The following SH3KBP1 variants were observed in gnomAD, a reference collection of about 807,000 sequenced individuals.
SH3KBP1 encodes the protein SH3 domain containing kinase binding protein 1, also known as SH3 domain-containing kinase-binding protein 1.
Under a neutral mutation model 50.1 loss-of-function variants are expected in SH3KBP1, and 8 were observed. The observed-to-expected ratio is 0.16, with a 90% CI of 0.09 to 0.29. SH3KBP1 has a LOEUF of 0.29. SH3KBP1 is among the 10% of genes least tolerant of loss of function. SH3KBP1 has a pLI of 1.00. For synonymous variants in SH3KBP1, 227 were observed against 218.6 expected (o/e 1.04, Z -0.34); for missense variants, 377 against 535.2 (o/e 0.70, Z 2.92).
chrX:19,874,758 GAGA>G (rs1178797716), intron 1 of SH3KBP1, among the ~76,000 whole-genome samples: 3 of 101,396 alleles, frequency 3.0e-5, no homozygotes, highest in Non-Finnish European at 6.0e-5. Context: ...AAGAGGGAAA[GAGA>G]AGGTGTGGGG....
intron 6 of SH3KBP1, among the ~76,000 whole-genome samples, chrX:19,672,292 A>G (rs2062816631): frequency 8.9e-6 from 1 of 112,052 alleles, no homozygotes; most frequent in African/African-American, 3.2e-5. Flanking sequence ...ATTTCTTTAG[A>G]TACTCCTCCC....
chrX:19,619,570 G>C (rs1173287435), intron 8 of SH3KBP1, among the ~76,000 whole-genome samples: 2 of 111,613 alleles, frequency 1.8e-5, no homozygotes, highest in South Asian at 3.8e-4. Context: ...CAGATCACTT[G>C]AGCTCAGGAG....
intron 12 of SH3KBP1, among the ~76,000 whole-genome samples, chrX:19,582,041 G>A (rs1480944735): frequency 9.0e-6 from 1 of 110,843 alleles, no homozygotes; most frequent in African/African-American, 3.3e-5. Flanking sequence ...CCCACATCCT[G>A]GTGTCCATCA....
intron 6 of SH3KBP1, among the ~76,000 whole-genome samples, chrX:19,651,322 T>C (rs917900980): frequency 6.3e-5 from 7 of 111,173 alleles, no homozygotes; most frequent in Non-Finnish European, 1.1e-4. Flanking sequence ...TTGATATCAA[T>C]AGAAGATACA....
chrX:19,693,350 AAAG>A (rs1405395843), intron 5 of SH3KBP1, among the ~76,000 whole-genome samples: 1 of 112,173 alleles, frequency 8.9e-6, no homozygotes, highest in Non-Finnish European at 1.9e-5. Context: ...GGAAGGAGAG[AAAG>A]AAGGATGGAT....
intron 2 of SH3KBP1, among the ~76,000 whole-genome samples, chrX:19,754,555 C>A (rs958915539): frequency 1.8e-5 from 2 of 111,483 alleles, no homozygotes; most frequent in Non-Finnish European, 3.8e-5. Flanking sequence ...ATAACCTCTG[C>A]CTCTTGGGTT....
chrX:19,800,764 A>G (rs953826527), intron 2 of SH3KBP1, among the ~76,000 whole-genome samples: 4 of 111,931 alleles, frequency 3.6e-5, no homozygotes, highest in Admixed American at 1.9e-4. Context: ...ACATATTATT[A>G]CTCTCAAGCC....
intron 11 of SH3KBP1, among the ~76,000 whole-genome samples, chrX:19,589,831 C>A (rs770171164): frequency 8.2e-5 from 9 of 109,562 alleles, no homozygotes; most frequent in Non-Finnish European, 1.3e-4. Flanking sequence ...AAAAAAAAAC[C>A]CATCAGGGCT....
intron 2 of SH3KBP1, chrX:19,747,774 TGA>T: frequency 3.1e-6 from 1 of 327,608 alleles, no homozygotes; most frequent in Admixed American, 3.2e-5. Flanking sequence ...TTTGCTAGGT[TGA>T]GTGTTTCAAC....
Position 19,870,883 on chromosome X carries a change from C to T in SH3KBP1, c.4+16424G>A, listed in dbSNP as rs186790926. Among the ~76,000 whole-genome samples the T allele has an allele frequency of 8.9e-4, 99 of 111,572 alleles. 2 individuals are homozygous for T. The highest frequency in any genetic ancestry group is 5.1e-3 in the Admixed American group (54 of 10,525). On this transcript the variant is annotated intron_variant, in intron 1 of 17. Transcript: ENST00000397821. ...GTCACATCACCAAGCAACAACCTCA[C>T]GGCCGAAGCACACCGCCGTGTCTCC... is the stretch of plus-strand genomic sequence containing the variant.
chrX:19,593,145 T>C (rs1022143222), intron 10 of SH3KBP1, among the ~76,000 whole-genome samples: 2 of 112,091 alleles, frequency 1.8e-5, no homozygotes, highest in Admixed American at 1.9e-4. Flanking sequence ...TTGGTGCCAG[T>C]GGCCTCAGGC....
At chrX:19,687,966 C>T (rs757908138) in intron 5 of SH3KBP1, among the ~76,000 whole-genome samples, 1 of 111,965 alleles carries the variant, frequency 8.9e-6, no homozygotes, top group Non-Finnish European at 1.9e-5. Context: ...TACATTATGC[C>T]CAGTTTAAAC....
intron 2 of SH3KBP1, among the ~76,000 whole-genome samples, chrX:19,794,897 G>A (rs2066665538): frequency 9.1e-6 from 1 of 109,687 alleles, no homozygotes; most frequent in South Asian, 3.9e-4. Context: ...CATGACTCTG[G>A]GTGCCAAGAA....
intron 7 of SH3KBP1, among the ~76,000 whole-genome samples, chrX:19,637,628 C>A (rs758006617): frequency 9.0e-6 from 1 of 111,239 alleles, no homozygotes; most frequent in Admixed American, 9.5e-5. Flanking sequence ...GTTTCCCAAT[C>A]AATCATCCCT....
chrX:19,676,281 T>C (rs2062925867), intron 6 of SH3KBP1, among the ~76,000 whole-genome samples: 1 of 110,396 alleles, frequency 9.1e-6, no homozygotes, highest in African/African-American at 3.3e-5. Flanking sequence ...CATCACCTTA[T>C]TGACATGTTT....
intron 7 of SH3KBP1, among the ~76,000 whole-genome samples, chrX:19,644,790 A>T (rs1302381727): frequency 8.9e-6 from 1 of 112,147 alleles, no homozygotes; most frequent in African/African-American, 3.2e-5. Context: ...TTTTTTAAAC[A>T]TGGCTACTAG....
At chrX:19,554,017 A>G (rs1448412279) in intron 13 of SH3KBP1, among the ~76,000 whole-genome samples, 3 of 64,264 alleles carry the variant, frequency 4.7e-5, no homozygotes, top group Admixed American at 2.5e-4. Context: ...AATATATAAT[A>G]TATATTAAAA....
chrX:19,806,448 G>A (rs1385974519), intron 2 of SH3KBP1, among the ~76,000 whole-genome samples: 2 of 111,287 alleles, frequency 1.8e-5, no homozygotes, highest in African/African-American at 3.3e-5. Flanking sequence ...CCAGGGAAGC[G>A]GAGGTTGCAC....
At chrX:19,586,715 G>A (rs1234253646) in intron 12 of SH3KBP1, among the ~76,000 whole-genome samples, 1 of 111,732 alleles carries the variant, frequency 8.9e-6, no homozygotes, top group East Asian at 2.8e-4. Context: ...AATGACACAG[G>A]TGAACCAGCT....
Sources: allele counts gnomAD v4.1 joint callset (sites outside exome capture counted in the v4.1 genomes callset), GRCh38; gene constraint gnomAD v4.1.1; transcripts MANE v1.5; gene names NCBI Gene and HGNC (gene_info 2026-07-23, HGNC 2026-07-21).